Variants in NOP14 observed in about 807,000 individuals in gnomAD.
NOP14 encodes nucleolar protein 14.
A neutral mutation model predicts 101.6 loss-of-function variants in NOP14; 57 were observed. The ratio of observed to expected loss-of-function variants is 0.56; its 90% confidence interval spans 0.45 to 0.70. The LOEUF (loss-of-function observed/expected upper bound fraction) is 0.70, where lower values mean the gene tolerates loss of function less well. NOP14 is among the 30% of genes least tolerant of loss of function. The probability of loss-of-function intolerance (pLI) is 0.00; values close to 1 mark genes in which losing one functional copy is unlikely to be tolerated. For synonymous variants in NOP14, 428 were observed against 424.0 expected (o/e 1.01, Z -0.12); for missense variants, 1,134 against 1,075.5 (o/e 1.05, Z -0.76).
At chr4:2,942,602 TC>T (rs1279552149) in intron 13 of NOP14, among the ~76,000 whole-genome samples, 5 of 152,056 alleles carry the variant, frequency 3.3e-5, no homozygotes, top group Non-Finnish European at 7.4e-5. Context: ...GCCACAGACT[TC>T]CTGGGGCCTA....
At chr4:2,944,019 A>T (rs767938304) in intron 13 of NOP14, 54 bp downstream of exon 13, 34 of 1,472,780 alleles carry the variant, frequency 2.3e-5, no homozygotes, top group Admixed American at 4.2e-5. Flanking sequence ...TGAACTACTT[A>T]AAAAAATTCT....
chr4:2,951,479 AGTCAC>A (rs1445511741), intron 6 of NOP14, among the ~76,000 whole-genome samples: 6 of 152,210 alleles, frequency 3.9e-5, no homozygotes, highest in Admixed American at 3.9e-4. Context: ...AATACTCTCC[AGTCAC>A]CAGGCAAGCC....
chr4:2,962,642 A>T (rs1302966918), intron 1 of NOP14, among the ~76,000 whole-genome samples: 1 of 151,862 alleles, frequency 6.6e-6, no homozygotes, highest in South Asian at 2.1e-4. Context: ...CTGCTAATGT[A>T]TGTTCCTCAG....
intron 13 of NOP14, among the ~76,000 whole-genome samples, chr4:2,942,653 C>G (rs552157324): frequency 1.3e-5 from 2 of 152,308 alleles, no homozygotes; most frequent in South Asian, 4.1e-4. Flanking sequence ...CAGGCCACAT[C>G]CGGGAACAGA....
intron 6 of NOP14, among the ~76,000 whole-genome samples, chr4:2,951,906 A>G (rs760282637): frequency 2.5e-4 from 38 of 152,150 alleles, no homozygotes; most frequent in Admixed American, 2.0e-3. Flanking sequence ...TCAGGAGTTC[A>G]AGACCGCCTG....
At position 2,949,956 on chromosome 4, in the gene NOP14, G is replaced by A. The variant is rs572556307; in HGVS notation, c.1260C>T (p.Asp420=). 3.0e-5 allele frequency: 49 copies of A among 1,614,140 alleles called. No homozygotes were observed. In the South Asian group the frequency reaches 4.0e-4, roughly 13 times the overall value. The change falls in exon 8 of 18, where the codon GAC becomes GAT. Residue 420 remains aspartate (D), a synonymous_variant. Transcript: ENST00000416614. ...CACCTGCGAACGTGTAGGGCAGCTC[G>A]TCTCTGGTAGCTTTTCCAGCTCTTT... The part of the protein sequence containing the change: ...GKERAGKATR[D]ELPYTFAAPE...
intron 3 of NOP14, among the ~76,000 whole-genome samples, chr4:2,956,305 A>G (rs1245134204): frequency 1.3e-5 from 2 of 152,180 alleles, no homozygotes; most frequent in African/African-American, 4.8e-5. Context: ...TCAGTGAGGC[A>G]CCTGGAGTCA....
chr4:2,960,750 T>TATAATCACATTAATATATTAATATC (rs1560310691), intron 1 of NOP14, among the ~76,000 whole-genome samples: 26 of 76,142 alleles, frequency 3.4e-4, no homozygotes, highest in Non-Finnish European at 3.2e-4. Context: ...ATATTAATAT[T>TATAATCACATTAATATATTAATATC]ATAATCACAT....
At chr4:2,956,011 C>A (rs1171077931) in intron 3 of NOP14, among the ~76,000 whole-genome samples, 1 of 152,180 alleles carries the variant, frequency 6.6e-6, no homozygotes, top group African/African-American at 2.4e-5. Context: ...GGAAATGGGA[C>A]CTACTTTAAC....
At chr4:2,959,403 T>C (rs901677298) in intron 1 of NOP14, among the ~76,000 whole-genome samples, 20 of 152,066 alleles carry the variant, frequency 1.3e-4, no homozygotes, top group South Asian at 1.2e-3. Flanking sequence ...CCATCCTGGG[T>C]AACATGGTGA....
intron 13 of NOP14, among the ~76,000 whole-genome samples, chr4:2,943,804 C>T (rs1714406116): frequency 1.3e-5 from 2 of 152,224 alleles, no homozygotes; most frequent in South Asian, 2.1e-4. Flanking sequence ...AAGTCTTCGC[C>T]ACTTGGGCAT....
intron 6 of NOP14, among the ~76,000 whole-genome samples, chr4:2,951,845 C>T (rs898138898): frequency 6.6e-6 from 1 of 152,200 alleles, no homozygotes; most frequent in African/African-American, 2.4e-5. Flanking sequence ...CGGTGGCTCA[C>T]ACCTGTAATC....
chr4:2,942,037 A>C, intron 14 of NOP14, 155 bp downstream of exon 14: 1 of 724,594 alleles, frequency 1.4e-6, no homozygotes. Context: ...AGGGACAGCA[A>C]GCCAACATGC....
chr4:2,952,010 G>T (rs939784434), intron 6 of NOP14, among the ~76,000 whole-genome samples: 1 of 151,910 alleles, frequency 6.6e-6, no homozygotes, highest in African/African-American at 2.4e-5. Context: ...AGGAGGCTGA[G>T]GCAGGAGAAT....
chr4:2,939,471 C>G (rs1713965354), intron 16 of NOP14, 56 bp downstream of exon 16: 2 of 1,597,382 alleles, frequency 1.3e-6, no homozygotes, highest in Admixed American at 3.3e-5. Context: ...CGCCCCCCGT[C>G]AGCTCCCACT....
chr4:2,950,876 C>CAG (rs10576953), intron 7 of NOP14: 12 of 409,070 alleles, frequency 2.9e-5, no homozygotes, highest in African/African-American at 1.4e-4. Context: ...TCCTTTGAGA[C>CAG]AGAGAGAGAG....
chr4:2,942,255 C>G lies in NOP14; in HGVS notation c.1988G>C (p.Ser663Thr), dbSNP rs775000247. 2.7e-5 allele frequency: 43 copies of G among 1,613,990 alleles called. No individual in the cohort carries two copies. Among genetic ancestry groups the G allele is most frequent in the Non-Finnish European group, 3.6e-5 (42 of 1,180,032 alleles). The stretch of plus-strand genomic sequence containing the variant: ...TCTACTCGCCCAGCGGAGGGAGAGG[C>G]TGCTCTGCTGCCACGTGGCCACATC... Reference protein sequence around the residue: ...REDVATWQQSSLSLRWASRLR... With the variant: ...REDVATWQQSTLSLRWASRLR... The change falls in exon 14 of 18, where the codon AGC becomes ACC. Residue 663 changes from serine to threonine, a missense_variant. Physicochemically the swap from Ser to Thr is moderately conservative, Grantham distance 58. Transcript: ENST00000416614.
At chr4:2,949,684 G>A (rs1438382667) in intron 8 of NOP14, among the ~76,000 whole-genome samples, 1 of 152,184 alleles carries the variant, frequency 6.6e-6, no homozygotes, top group Non-Finnish European at 1.5e-5. Context: ...AAAGGGAGGT[G>A]AAGGTACCAC....
rs1282135273 is a variant in NOP14, at chr4:2,954,409, C to T, written c.612+15G>A. 2 of 1,612,692 alleles carry T rather than the reference C, an allele frequency of 1.2e-6. No homozygotes were observed. On this transcript the variant is annotated intron_variant, in intron 4 of 17. Transcript: ENST00000416614. ...TTACCGTGGAGAAGATGATCAAGAACACTCACTAACCCACCTTCTCTTGTT... is the reference window on the plus strand; with the variant it reads ...TTACCGTGGAGAAGATGATCAAGAATACTCACTAACCCACCTTCTCTTGTT...
Sources: allele counts gnomAD v4.1 joint callset (sites outside exome capture counted in the v4.1 genomes callset), GRCh38; gene constraint gnomAD v4.1.1; transcripts MANE v1.5; gene names NCBI Gene and HGNC (gene_info 2026-07-23, HGNC 2026-07-21).